GSTP1: variants seen among roughly 807,000 people sequenced by gnomAD.
GSTP1 encodes the protein glutathione S-transferase pi 1.
GSTP1 carries 28 observed loss-of-function variants against 29.4 expected under a neutral mutation model. That is an observed-to-expected ratio of 0.95 (90% CI 0.71 to 1.30). The LOEUF is 1.30. GSTP1 is among the 50% of genes most tolerant of loss of function. The pLI is 0.00. For synonymous variants in GSTP1, 122 were observed against 117.0 expected (o/e 1.04, Z -0.28); for missense variants, 267 against 266.1 (o/e 1.00, Z -0.02).
At chr11:67,585,419 C>G (rs1042711918) in intron 5 of GSTP1, among the ~76,000 whole-genome samples, 178 bp downstream of exon 5, 1 of 152,080 alleles carries the variant, frequency 6.6e-6, no homozygotes, top group Non-Finnish European at 1.5e-5. Flanking sequence ...CAACCTGCAC[C>G]CTTATTGCCT....
At position 67,584,470 on chromosome 11, in the gene GSTP1, G is replaced by C; in HGVS notation, c.44G>C (p.Cys15Ser). 1.3e-6 allele frequency: 2 copies of C among 1,519,660 alleles called. No individual in the cohort carries two copies. The highest frequency in any genetic ancestry group is 2.5e-5 in the East Asian group (1 of 40,762). 94.1% of individuals were successfully genotyped at this position (1,519,660 alleles called of 1,614,324 possible). A position where few individuals can be genotyped will look rare whatever the true frequency, so the allele number is the denominator to read the frequency against. Reference sequence around the variant, plus strand: ...TACTTCTCCCTCCCCGCAGGCCGCTGCGCGGCCCTGCGCATGCTGCTGGCA... The same window carrying C: ...TACTTCTCCCTCCCCGCAGGCCGCTCCGCGGCCCTGCGCATGCTGCTGGCA... ...TVVYFPVRGR[C>S]AALRMLLADQ... is the part of the protein sequence containing the mutation. Residue 15 changes from cysteine (C) to serine (S), a missense_variant, in exon 3 of 7, where the codon TGC becomes TCC. Physicochemically the swap from Cys to Ser is moderately radical, Grantham distance 112. Transcript: ENST00000398606.
rs755205239 is a variant in GSTP1, at chr11:67,586,081, T to G, written c.337-23T>G. 4.5e-6 allele frequency: 7 copies of G among 1,563,554 alleles called. No homozygotes were observed. The South Asian group carries it at 7.8e-5, about 17-fold the overall frequency. Reference sequence around the variant, plus strand: ...GGGGCTGGGAGGGATGAGAGTAGGATGATACATGGTGGTGTCTGGCAGGAG... The same window carrying G: ...GGGGCTGGGAGGGATGAGAGTAGGAGGATACATGGTGGTGTCTGGCAGGAG... On this transcript the variant is annotated intron_variant, in intron 5 of 6. Transcript: ENST00000398606.
Position 67,586,420 on chromosome 11 carries a change from T to TG in GSTP1, c.477dup (p.Leu160AlafsTer5). 6.2e-7 allele frequency: 1 copy of TG among 1,614,096 alleles called. No individual in the cohort carries two copies. Among genetic ancestry groups the TG allele is most frequent in the Non-Finnish European group, 8.5e-7 (1 of 1,179,982 alleles). On this transcript the variant is annotated frameshift_variant, in exon 7 of 7. Transcript: ENST00000398606. LOFTEE classifies it high-confidence loss of function. ...TTCGCTGACTACAACCTGCTGGACT[T>TG]GCTGCTGATCCATGAGGTCCTAGCC...
intron 1 of GSTP1, 89 bp downstream of exon 1, chr11:67,583,933 A>G: frequency 1.5e-6 from 1 of 675,886 alleles, no homozygotes; most frequent in Non-Finnish European, 2.7e-6. Context: ...GGCTCCCGGC[A>G]GGGCTCCTCG....
At chr11:67,585,099 G>T (rs746022579) in intron 4 of GSTP1, 39 bp from the exon 5 acceptor site, 1 of 1,311,332 alleles carries the variant, frequency 7.6e-7, no homozygotes, top group Admixed American at 1.7e-5. Context: ...TTGATCAGGC[G>T]CCCAGTCACG....
Position 67,585,178 on chromosome 11 carries a change from C to T in GSTP1, c.273C>T (p.Asp91=), listed in dbSNP as rs1237280319. The T allele has an allele frequency of 1.2e-6, 2 of 1,613,842 alleles. No homozygotes were observed. The highest frequency in any genetic ancestry group is 1.7e-6 in the Non-Finnish European group (2 of 1,179,744). ...GKDQQEAALV[D]MVNDGVEDLR... Reference sequence around the variant, plus strand: ...ACCAGCAGGAGGCAGCCCTGGTGGACATGGTGAATGACGGCGTGGAGGACC... The same window carrying T: ...ACCAGCAGGAGGCAGCCCTGGTGGATATGGTGAATGACGGCGTGGAGGACC... Residue 91 remains aspartate (D), a synonymous_variant, in exon 5 of 7, where the codon GAC becomes GAT. Transcript: ENST00000398606.
At position 67,586,380 on chromosome 11, in the gene GSTP1, G is replaced by T. The variant is rs1231566869; in HGVS notation, c.445-9G>T. The T allele has an allele frequency of 1.1e-5, 17 of 1,609,374 alleles. No homozygotes were observed. The highest frequency in any genetic ancestry group is 1.1e-5 in the Non-Finnish European group (13 of 1,177,038). On this transcript the variant is annotated splice_polypyrimidine_tract_variant and intron_variant, in intron 6 of 6. Transcript: ENST00000398606. The stretch of plus-strand genomic sequence containing the variant: ...CGCTGGCTGAGTCCCTGGCCCCCCT[G>T]CCCTGCAGATCTCCTTCGCTGACTA...
chr11:67,585,000 CTCA>C, intron 4 of GSTP1, 135 bp from the exon 5 acceptor site: 1 of 650,838 alleles, frequency 1.5e-6, no homozygotes, highest in Non-Finnish European at 2.7e-6. Context: ...GTGGCAGTCT[CTCA>C]TCCTTCCACG....
At position 67,585,205 on chromosome 11, in the gene GSTP1, C is replaced by G. The variant is rs1174507043; in HGVS notation, c.300C>G (p.Leu100=). 1.2e-6 allele frequency: 2 copies of G among 1,606,922 alleles called. No homozygotes were observed. The highest frequency in any genetic ancestry group is 1.7e-6 in the Non-Finnish European group (2 of 1,176,218). The change falls in exon 5 of 7, where the codon CTC becomes CTG. Residue 100 remains leucine, a synonymous_variant. Transcript: ENST00000398606. ...TGGTGAATGACGGCGTGGAGGACCT[C>G]CGCTGCAAATACATCTCCCTCATCT... ...VDMVNDGVED[L]RCKYISLIYT...
chr11:67,584,204 G>T, intron 2 of GSTP1, 35 bp downstream of exon 2: 1 of 1,555,796 alleles, frequency 6.4e-7, no homozygotes, highest in African/African-American at 1.3e-5. Context: ...AGGGAGGCAG[G>T]GGCTGGGGCT....
At position 67,586,197 on chromosome 11, in the gene GSTP1, A is replaced by T; in HGVS notation, c.430A>T (p.Ile144Phe). Residue 144 changes from isoleucine to phenylalanine, a missense_variant, in exon 6 of 7, where the codon ATT becomes TTT. By Grantham distance (21) the Ile-to-Phe change is conservative. Coordinates refer to ENST00000398606, the MANE Select transcript of GSTP1 (RefSeq NM_000852.4). ...CCAGAACCAGGGAGGCAAGACCTTC[A>T]TTGTGGGAGACCAGGTGAGCATCTG... is the stretch of plus-strand genomic sequence containing the variant. ...LSQNQGGKTF[I>F]VGDQISFADY... 6.2e-7 allele frequency: 1 copy of T among 1,612,654 alleles called. No homozygotes were observed.
Position 67,586,464 on chromosome 11 carries a change from T to A in GSTP1, c.520T>A (p.Phe174Ile), listed in dbSNP as rs768896121. ...CCTAGCCCCTGGCTGCCTGGATGCGTTCCCCCTGCTCTCAGCATATGTGGG... is the reference window on the plus strand; with the variant it reads ...CCTAGCCCCTGGCTGCCTGGATGCGATCCCCCTGCTCTCAGCATATGTGGG... ...EVLAPGCLDAFPLLSAYVGRL... is the reference protein window; with the variant it reads ...EVLAPGCLDAIPLLSAYVGRL... The change falls in exon 7 of 7, where the codon TTC (phenylalanine) becomes ATC (isoleucine). Residue 174 changes from phenylalanine (F) to isoleucine (I), a missense_variant. By Grantham distance (21) the Phe-to-Ile change is conservative. Transcript: ENST00000398606. 6.4e-5 allele frequency: 103 copies of A among 1,614,060 alleles called. No homozygotes were observed. Among genetic ancestry groups the A allele is most frequent in the Non-Finnish European group, 8.3e-5 (98 of 1,180,016 alleles).
At chr11:67,584,208 T>A in intron 2 of GSTP1, 39 bp downstream of exon 2, 2 of 1,541,616 alleles carry the variant, frequency 1.3e-6, no homozygotes, top group Non-Finnish European at 1.8e-6. Flanking sequence ...AGGCAGGGGC[T>A]GGGGCTGCAG....
Position 67,584,666 on chromosome 11 carries a change from G to A in GSTP1, c.145-19G>A, listed in dbSNP as rs1867435904. The A allele has an allele frequency of 1.9e-6, 3 of 1,608,108 alleles. No homozygotes were observed. The highest frequency in any genetic ancestry group is 1.3e-5 in the African/African-American group (1 of 74,908). ...GCCCAAGCTCAGTGCCCCTCCCTGA[G>A]CCATGCCTCCCCCAACAGCTATACG... On this transcript the variant is annotated intron_variant, in intron 3 of 6. Transcript: ENST00000398606.
intron 3 of GSTP1, 49 bp downstream of exon 3, chr11:67,584,619 G>A (rs1458242319): frequency 1.3e-6 from 2 of 1,569,450 alleles, no homozygotes; most frequent in Non-Finnish European, 8.8e-7. Flanking sequence ...GCCTTAGGGG[G>A]CTGTGACTAG....
chr11:67,584,641 G>A (rs750282606), intron 3 of GSTP1, 44 bp from the exon 4 acceptor site: 2 of 1,579,790 alleles, frequency 1.3e-6, no homozygotes, highest in Admixed American at 1.7e-5. Flanking sequence ...ATCGGGGGAC[G>A]CCCAAGCTCA....
intron 6 of GSTP1, 33 bp downstream of exon 6, chr11:67,586,244 G>C (rs368280962): frequency 1.9e-6 from 3 of 1,551,634 alleles, no homozygotes; most frequent in Non-Finnish European, 2.7e-6. Flanking sequence ...TTCCTTCCTC[G>C]CCACCCTCTG....
intron 6 of GSTP1, 21 bp downstream of exon 6, chr11:67,586,232 T>C (rs775643270): frequency 1.1e-5 from 18 of 1,576,888 alleles, no homozygotes; most frequent in Non-Finnish European, 3.5e-6. Flanking sequence ...GGCCCCATGC[T>C]GTTCCTTCCT....
intron 6 of GSTP1, 56 bp from the exon 7 acceptor site, chr11:67,586,333 C>T: frequency 3.8e-6 from 6 of 1,567,978 alleles, no homozygotes; most frequent in Non-Finnish European, 5.2e-6. Context: ...GCCCTCTGCC[C>T]CCAATTCCTC....
Sources: allele counts gnomAD v4.1 joint callset (sites outside exome capture counted in the v4.1 genomes callset), GRCh38; gene constraint gnomAD v4.1.1; transcripts MANE v1.5; gene names NCBI Gene and HGNC (gene_info 2026-07-23, HGNC 2026-07-21).